The following TMEM132B variants were observed in gnomAD, a reference collection of about 807,000 sequenced individuals.
TMEM132B encodes the protein transmembrane protein 132B.
In TMEM132B, 18 loss-of-function variants were observed where a neutral mutation model predicts 90.8. The observed-to-expected ratio is 0.20, with a 90% CI of 0.14 to 0.29. The LOEUF (loss-of-function observed/expected upper bound fraction) is 0.29. Among genes scored for constraint, TMEM132B ranks in the 10% least tolerant of loss-of-function variants. The pLI, the probability that TMEM132B is intolerant of heterozygous loss-of-function variation, is 1.00. For synonymous variants in TMEM132B, 504 were observed against 523.3 expected, an observed-to-expected ratio of 0.96 and a Z score of 0.50; for missense variants, 1,096 against 1,326.8, an observed-to-expected ratio of 0.83 and a Z score of 2.70.
At chr12:125,450,819 G>A (rs1030334895) in intron 3 of TMEM132B, among the ~76,000 whole-genome samples, 1 of 152,094 alleles carries the variant, frequency 6.6e-6, no homozygotes, top group Non-Finnish European at 1.5e-5. Context: ...ACCAATGAGG[G>A]GCACATGGAC....
At chr12:125,316,779 G>C (rs1876291737) in intron 1 of TMEM132B, among the ~76,000 whole-genome samples, 1 of 152,222 alleles carries the variant, frequency 6.6e-6, no homozygotes, top group African/African-American at 2.4e-5. Context: ...GAGGGGGACA[G>C]AGCAGTGAGA....
intron 1 of TMEM132B, among the ~76,000 whole-genome samples, chr12:125,211,276 A>C (rs1406340662): frequency 6.6e-6 from 1 of 152,116 alleles, no homozygotes; most frequent in Non-Finnish European, 1.5e-5. Flanking sequence ...GTTCAATTTG[A>C]GATATTTGTT....
intron 3 of TMEM132B, among the ~76,000 whole-genome samples, chr12:125,434,502 G>A (rs1330018925): frequency 7.5e-5 from 11 of 146,318 alleles, no homozygotes; most frequent in African/African-American, 2.7e-4. Context: ...GGAGGCCATG[G>A]TGGGAGATTA....
At chr12:125,338,760 G>T (rs7311833) in intron 1 of TMEM132B, among the ~76,000 whole-genome samples, 4,384 of 152,198 alleles carry the variant, frequency 0.029, 217 homozygotes, top group African/African-American at 0.1. Context: ...TAAATTTGTT[G>T]AAGTATTTTA....
chr12:125,415,663 G>A lies in TMEM132B; in HGVS notation c.1092G>A (p.Pro364=), dbSNP rs748490348. 6.8e-6 allele frequency: 11 copies of A among 1,613,960 alleles called. No individual in the cohort carries two copies. Among genetic ancestry groups the A allele is most frequent in the Admixed American group, 5.0e-5 (3 of 59,996 alleles). ...CCCTCACCTGCATGGGCCATCGCCCGGACACGCAGAGCAGGTAAGCATGGA... is the reference window on the plus strand; with the variant it reads ...CCCTCACCTGCATGGGCCATCGCCCAGACACGCAGAGCAGGTAAGCATGGA... ...SATLTCMGHR[P]DTQSRVNGSF... The change falls in exon 3 of 9, where the codon CCG becomes CCA. Residue 364 remains proline, a synonymous_variant. Coordinates refer to ENST00000682704, the MANE Select transcript of TMEM132B (RefSeq NM_001366854.1). This position sits in a 1 kb window ranked among gnomAD's most constrained non-coding sequence, Gnocchi z 5.3.
intron 1 of TMEM132B, among the ~76,000 whole-genome samples, chr12:125,199,210 G>A (rs528418116): frequency 7.4e-4 from 112 of 152,320 alleles, no homozygotes; most frequent in Non-Finnish European, 1.4e-3. Flanking sequence ...TTTTACAAGT[G>A]TGCAGGAAGG....
At chr12:125,239,397 T>A (rs1015493715) in intron 1 of TMEM132B, among the ~76,000 whole-genome samples, 2 of 152,122 alleles carry the variant, frequency 1.3e-5, no homozygotes, top group Non-Finnish European at 2.9e-5. Context: ...AGAAAAAAAA[T>A]TCCCATTTGG....
chr12:125,438,264 G>C (rs1396931230), intron 3 of TMEM132B, among the ~76,000 whole-genome samples: 2 of 152,182 alleles, frequency 1.3e-5, no homozygotes, highest in African/African-American at 4.8e-5. Flanking sequence ...GGTTTTTGGA[G>C]ATTGGCAACG....
At chr12:125,387,794 G>A (rs1021328452) in intron 2 of TMEM132B, among the ~76,000 whole-genome samples, 6 of 151,842 alleles carry the variant, frequency 4.0e-5, no homozygotes, top group Middle Eastern at 3.4e-3. Context: ...TAATTTATCC[G>A]TTATCCATCC....
intron 5 of TMEM132B, among the ~76,000 whole-genome samples, chr12:125,620,193 A>G (rs1593026489): frequency 6.6e-6 from 1 of 152,376 alleles, no homozygotes; most frequent in Admixed American, 6.5e-5. Flanking sequence ...CTGGGGATGT[A>G]TCAAATGAGG....
intron 1 of TMEM132B, among the ~76,000 whole-genome samples, chr12:125,196,032 G>A (rs539985246): frequency 1.4e-4 from 21 of 152,296 alleles, no homozygotes; most frequent in Non-Finnish European, 8.8e-5. Context: ...GGTTAGAGCC[G>A]AGGAGGGATC....
At chr12:125,517,561 A>G (rs980871902) in intron 3 of TMEM132B, among the ~76,000 whole-genome samples, 7 of 151,934 alleles carry the variant, frequency 4.6e-5, no homozygotes, top group Non-Finnish European at 8.8e-5. Context: ...CCAAGTACCT[A>G]TGTGCAGCTT....
intron 3 of TMEM132B, among the ~76,000 whole-genome samples, chr12:125,493,729 C>T (rs1398609951): frequency 6.6e-6 from 1 of 152,146 alleles, no homozygotes; most frequent in African/African-American, 2.4e-5. Flanking sequence ...TGCTTCTCTG[C>T]ATGCACATGA....
rs1487786788 is a variant in TMEM132B at position 125,654,791 on chromosome 12, G to T, written c.*81G>T. 1 of 1,467,616 alleles carries T rather than the reference G, an allele frequency of 6.8e-7. No individual in the cohort carries two copies. The highest frequency in any genetic ancestry group is 1.4e-5 in the African/African-American group (1 of 70,752). 90.9% of individuals were successfully genotyped at this position (1,467,616 alleles called of 1,614,324 possible). A position where few individuals can be genotyped will look rare whatever the true frequency, so the allele number is the denominator to read the frequency against. The stretch of plus-strand genomic sequence containing the variant: ...GCAGTGAGTTTGATCAGCAATAGGG[G>T]ATGATTTAACAAAGTTTGATTTGTG... On this transcript the variant is annotated 3_prime_UTR_variant, in exon 9 of 9. Transcript: ENST00000682704. The surrounding 1 kb of genome is among the most constrained non-coding windows in gnomAD (Gnocchi z 5.8).
chr12:125,456,775 G>A (rs1188101967), intron 3 of TMEM132B, among the ~76,000 whole-genome samples: 6 of 152,180 alleles, frequency 3.9e-5, no homozygotes, highest in Non-Finnish European at 7.3e-5. Flanking sequence ...TCAGAGGCTG[G>A]CACATGGCAG....
At chr12:125,561,861 T>C (rs112812708) in intron 4 of TMEM132B, among the ~76,000 whole-genome samples, 1,645 of 152,224 alleles carry the variant, frequency 0.011, 30 homozygotes, top group African/African-American at 0.038. Context: ...GCTCTAGGAT[T>C]TGGGGAATGG....
chr12:125,618,496 T>C (rs962484634), intron 5 of TMEM132B, among the ~76,000 whole-genome samples: 4 of 152,128 alleles, frequency 2.6e-5, no homozygotes, highest in African/African-American at 9.7e-5. Context: ...CTGTCTGAAA[T>C]AGAGATTCTG....
intron 3 of TMEM132B, among the ~76,000 whole-genome samples, chr12:125,476,181 T>A (rs1299961373): frequency 3.9e-5 from 6 of 152,220 alleles, no homozygotes; most frequent in African/African-American, 1.2e-4. Context: ...TGAATTAATA[T>A]AACATGAAAT....
chr12:125,484,977 A>C (rs2136539486), intron 3 of TMEM132B, among the ~76,000 whole-genome samples: 1 of 152,226 alleles, frequency 6.6e-6, no homozygotes, highest in South Asian at 2.1e-4. Flanking sequence ...ACTTCTGCTC[A>C]AGTTAGAATC....
Sources: allele counts gnomAD v4.1 joint callset (sites outside exome capture counted in the v4.1 genomes callset), GRCh38; gene constraint gnomAD v4.1.1; non-coding constraint Gnocchi (gnomAD v3.1); transcripts MANE v1.5; gene names NCBI Gene and HGNC (gene_info 2026-07-23, HGNC 2026-07-21).